The following GDPD4 variants were observed in gnomAD, a reference collection of about 807,000 sequenced individuals.
The protein encoded by GDPD4 is glycerophosphodiester phosphodiesterase domain containing 4, also known as glycerophosphodiester phosphodiesterase 6.
In GDPD4, 60 loss-of-function variants were observed where a neutral mutation model predicts 67.8. The observed-to-expected ratio is 0.88, with a 90% CI of 0.72 to 1.10. GDPD4 has a LOEUF of 1.10. Ranked by LOEUF, GDPD4 falls within the 50% of genes least tolerant of loss-of-function variation. GDPD4 has a pLI of 0.00. For synonymous variants in GDPD4, 212 were observed against 210.9 expected (o/e 1.00, Z -0.04); for missense variants, 623 against 613.9 (o/e 1.01, Z -0.16).
At chr11:77,228,198 C>T (rs537041852) in intron 15 of GDPD4, among the ~76,000 whole-genome samples, 1 of 151,578 alleles carries the variant, frequency 6.6e-6, no homozygotes, top group Non-Finnish European at 1.5e-5. Flanking sequence ...ACTAAAAATA[C>T]AAAAATTAGC....
chr11:77,271,234 G>A lies in GDPD4; in HGVS notation c.307-11C>T. 1 of 1,611,930 alleles carries A rather than the reference G, an allele frequency of 6.2e-7. No individual in the cohort carries two copies. The highest frequency in any genetic ancestry group is 8.5e-7 in the Non-Finnish European group (1 of 1,178,454). On this transcript the variant is annotated splice_polypyrimidine_tract_variant and intron_variant, in intron 6 of 16. Transcript: ENST00000315938. The stretch of plus-strand genomic sequence containing the variant: ...GTAGGGAGCAAAGATCTGTGAGAAA[G>A]CCAAAAGTCAGGCTGGATACATCTA...
intron 14 of GDPD4, among the ~76,000 whole-genome samples, chr11:77,229,507 G>A (rs1052720053): frequency 3.9e-5 from 6 of 152,172 alleles, no homozygotes; most frequent in African/African-American, 7.2e-5. Context: ...GGGCAGAGGG[G>A]GTCCCAGAGA....
In GDPD4 at chr11:77,261,940, C is replaced by G. The variant is rs529386257; in HGVS notation, c.708-3398G>C. On this transcript the variant is annotated intron_variant, in intron 10 of 16. Transcript: ENST00000315938. The stretch of plus-strand genomic sequence containing the variant: ...TGAATAATTAAATTGTATTAGATTT[C>G]CTTTTGGCAAAACAAGTGGTATCTG... 2.0e-5 allele frequency among the ~76,000 whole-genome samples: 3 copies of G among 152,316 alleles called. No individual in the cohort carries two copies. In the South Asian group the frequency reaches 6.2e-4, roughly 32 times the overall value.
In GDPD4 at chr11:77,232,451, G is replaced by C. The variant is rs1958472187; in HGVS notation, c.1389+574C>G. 2.6e-5 allele frequency among the ~76,000 whole-genome samples: 4 copies of C among 152,282 alleles called. No individual in the cohort carries two copies. The South Asian group carries it at 8.3e-4, about 32-fold the overall frequency. ...CACAGATAGTGATAGGATTTGGCTG[G>C]GATCGTAAACCAGGTCTTCAGGTTC... On this transcript the variant is annotated intron_variant, in intron 14 of 16. Transcript: ENST00000315938.
At chr11:77,266,948 A>G (rs1959180983) in intron 10 of GDPD4, among the ~76,000 whole-genome samples, 1 of 152,198 alleles carries the variant, frequency 6.6e-6, no homozygotes, top group Non-Finnish European at 1.5e-5. Flanking sequence ...CAGTGTTTAT[A>G]AAGTCTTCAG....
At chr11:77,240,811 A>C (rs1331406473) in intron 13 of GDPD4, among the ~76,000 whole-genome samples, 1 of 152,248 alleles carries the variant, frequency 6.6e-6, no homozygotes, top group Non-Finnish European at 1.5e-5. Flanking sequence ...GCCAACAAGC[A>C]TATGAAGAAA....
chr11:77,271,917 G>A (rs1959237891), intron 5 of GDPD4, among the ~76,000 whole-genome samples: 1 of 152,144 alleles, frequency 6.6e-6, no homozygotes, highest in Non-Finnish European at 1.5e-5. Context: ...CACATAGTAA[G>A]CATCCAATAA....
chr11:77,245,212 C>A, intron 12 of GDPD4, 69 bp downstream of exon 12: 1 of 1,174,626 alleles, frequency 8.5e-7, no homozygotes, highest in South Asian at 1.3e-5. Context: ...AGGTCAAGTT[C>A]AACTACTGTG....
At chr11:77,270,192 A>G (rs1959202599) in intron 7 of GDPD4, among the ~76,000 whole-genome samples, 1 of 152,240 alleles carries the variant, frequency 6.6e-6, no homozygotes, top group South Asian at 2.1e-4. Flanking sequence ...AGAAGGTCCT[A>G]TTGGTTTATC....
At chr11:77,249,265 A>G (rs1035838687) in intron 11 of GDPD4, among the ~76,000 whole-genome samples, 1 of 58,578 alleles carries the variant, frequency 1.7e-5, no homozygotes, top group Non-Finnish European at 4.3e-5. Flanking sequence ...ACTCCATCTC[A>G]AAAAAAAAAA....
chr11:77,281,383 GCA>G (rs1687500826), intron 3 of GDPD4, among the ~76,000 whole-genome samples: 1 of 152,082 alleles, frequency 6.6e-6, no homozygotes, highest in Non-Finnish European at 1.5e-5. Flanking sequence ...AGGAACCCTC[GCA>G]CAGTTTGAAA....
chr11:77,223,084 G>A (rs1410819429), intron 16 of GDPD4, among the ~76,000 whole-genome samples: 4 of 152,116 alleles, frequency 2.6e-5, no homozygotes, highest in Non-Finnish European at 5.9e-5. Flanking sequence ...GTCATTTAAG[G>A]TCTTCTCTAC....
At chr11:77,279,132 T>C (rs935500079) in intron 4 of GDPD4, among the ~76,000 whole-genome samples, 174 bp downstream of exon 4, 5 of 152,198 alleles carry the variant, frequency 3.3e-5, no homozygotes, top group African/African-American at 9.6e-5. Flanking sequence ...TCCTTCCACG[T>C]CCTATTCCTT....
chr11:77,228,834 T>C (rs904093441), intron 15 of GDPD4, among the ~76,000 whole-genome samples: 3 of 152,228 alleles, frequency 2.0e-5, no homozygotes, highest in Non-Finnish European at 4.4e-5. Flanking sequence ...TGCCATTTCA[T>C]GGAAGATGGG....
chr11:77,224,079 T>G (rs1958279170), intron 16 of GDPD4, among the ~76,000 whole-genome samples: 1 of 152,130 alleles, frequency 6.6e-6, no homozygotes, highest in Admixed American at 6.5e-5. Context: ...CGTGTCTCGA[T>G]TTTCCTGGTA....
intron 13 of GDPD4, among the ~76,000 whole-genome samples, chr11:77,235,446 A>G (rs1958543897): frequency 6.6e-6 from 1 of 152,234 alleles, no homozygotes. Context: ...AGCTACAGTA[A>G]GCAAGCTAGT....
At chr11:77,249,284 A>T (rs1406318396) in intron 11 of GDPD4, among the ~76,000 whole-genome samples, 1 of 150,054 alleles carries the variant, frequency 6.7e-6, no homozygotes, top group Non-Finnish European at 1.5e-5. Flanking sequence ...AAAAAAAAAA[A>T]TTAGCAAGCT....
In GDPD4 at chr11:77,254,228, T is replaced by A. The variant is rs943763217; in HGVS notation, c.864+4158A>T. Reference sequence around the variant, plus strand: ...CTGTGAGGACTGCAGGGGACCCCAATAGGGGTCCAAGCTGTTGCTGGGGGC... The same window carrying A: ...CTGTGAGGACTGCAGGGGACCCCAAAAGGGGTCCAAGCTGTTGCTGGGGGC... On this transcript the variant is annotated intron_variant, in intron 11 of 16. Transcript: ENST00000315938. Among the ~76,000 whole-genome samples the A allele has an allele frequency of 1.8e-4, 28 of 152,088 alleles. 1 individual carries two copies.
intron 14 of GDPD4, 88 bp from the exon 15 acceptor site, chr11:77,229,320 G>T: frequency 2.7e-6 from 2 of 741,040 alleles, no homozygotes; most frequent in Non-Finnish European, 4.5e-6. Flanking sequence ...TGCTGCCAGG[G>T]CTGGAGGAGG....
Sources: allele counts gnomAD v4.1 joint callset (sites outside exome capture counted in the v4.1 genomes callset), GRCh38; gene constraint gnomAD v4.1.1; transcripts MANE v1.5; gene names NCBI Gene and HGNC (gene_info 2026-07-23, HGNC 2026-07-21).